KIRREL3: variants seen among roughly 807,000 people sequenced by gnomAD.
KIRREL3 encodes kirre like nephrin family adhesion molecule 3.
KIRREL3 carries 36 observed loss-of-function variants against 89.7 expected under a neutral mutation model. The ratio of observed to expected loss-of-function variants is 0.40; its 90% CI spans 0.31 to 0.53. KIRREL3 has a LOEUF of 0.53. KIRREL3 is among the 20% of genes least tolerant of loss of function. The probability of loss-of-function intolerance (pLI) is 0.49; values close to 1 mark genes in which losing one functional copy is unlikely to be tolerated. For missense variants in KIRREL3, 864 were observed against 1,056.6 expected (o/e 0.82, Z 2.53); for synonymous variants, 445 against 441.4 (o/e 1.01, Z -0.10).
rs1286269090 is a variant in KIRREL3 at position 126,931,895 on chromosome 11, C to T, written c.55+68560G>A. ...TAGGAGTAGATGGACGAGGCATACT[C>T]GTACCAAGGAGGGCATAAGGATTTT... On this transcript the variant is annotated intron_variant, in intron 1 of 16. Coordinates refer to ENST00000525144, the MANE Select transcript of KIRREL3 (RefSeq NM_032531.4). The surrounding 1 kb of genome is among the most constrained non-coding windows in gnomAD (Gnocchi z 5.1). 1.3e-5 allele frequency among the ~76,000 whole-genome samples: 2 copies of T among 152,136 alleles called. No homozygotes were observed. The highest frequency in any genetic ancestry group is 2.9e-5 in the Non-Finnish European group (2 of 68,036).
chr11:126,831,487 A>G (rs981677231), intron 1 of KIRREL3, among the ~76,000 whole-genome samples: 5 of 150,848 alleles, frequency 3.3e-5, no homozygotes, highest in African/African-American at 1.2e-4. Context: ...TAGCCATCCC[A>G]GACATCAGGT....
intron 13 of KIRREL3, 137 bp downstream of exon 13, chr11:126,435,130 TA>T: frequency 1.1e-6 from 1 of 911,778 alleles, no homozygotes; most frequent in Non-Finnish European, 1.7e-6. Context: ...TTGTCTACAC[TA>T]AACCCTCAGG....
intron 1 of KIRREL3, among the ~76,000 whole-genome samples, chr11:126,779,952 T>C (rs977088775): frequency 9.9e-5 from 15 of 151,948 alleles, no homozygotes; most frequent in Non-Finnish European, 1.5e-5. Context: ...GGTAGGTGCA[T>C]CACGAGAGGC....
intron 1 of KIRREL3, among the ~76,000 whole-genome samples, chr11:126,930,974 C>T (rs1451588253): frequency 6.6e-6 from 1 of 152,180 alleles, no homozygotes; most frequent in Non-Finnish European, 1.5e-5. Context: ...TTTCTGCATG[C>T]TTTCACATTC....
rs1024391708 is a variant in KIRREL3, at chr11:126,605,981, A to G, written c.56-43069T>C. 2.6e-5 allele frequency among the ~76,000 whole-genome samples: 4 copies of G among 152,210 alleles called. No homozygotes were observed. Among genetic ancestry groups the G allele is most frequent in the Non-Finnish European group, 5.9e-5 (4 of 68,030 alleles). On this transcript the variant is annotated intron_variant, in intron 1 of 16. Transcript: ENST00000525144. The surrounding 1 kb of genome is among the most constrained non-coding windows in gnomAD (Gnocchi z 5.7). ...CCTTTGGCAGGGAGCAGTGAGCCAT[A>G]GTGTGGTCCAGAGGGACGCAGGCCA...
intron 1 of KIRREL3, among the ~76,000 whole-genome samples, chr11:126,849,646 A>G (rs950453159): frequency 5.9e-5 from 9 of 152,176 alleles, no homozygotes; most frequent in Non-Finnish European, 8.8e-5. Context: ...CAACGCAGAG[A>G]TGTCTAGTCA....
At chr11:126,934,245 C>A (rs929097262) in intron 1 of KIRREL3, among the ~76,000 whole-genome samples, 1 of 152,096 alleles carries the variant, frequency 6.6e-6, no homozygotes, top group African/African-American at 2.4e-5. Flanking sequence ...GGTTCTGAAA[C>A]AACTAGACAT....
chr11:126,964,619 TGCCAACA>T (rs1428805225), intron 1 of KIRREL3, among the ~76,000 whole-genome samples: 2 of 152,202 alleles, frequency 1.3e-5, no homozygotes, highest in African/African-American at 4.8e-5. Context: ...CCTGAGGGCC[TGCCAACA>T]GCTTGTGCTA....
Position 126,445,117 on chromosome 11 carries a change from G to T in KIRREL3, c.1126-12C>A. On this transcript the variant is annotated splice_polypyrimidine_tract_variant and intron_variant, in intron 9 of 16. Transcript: ENST00000525144. ...TCATTGCTCAGGACCTAGGAGAATT[G>T]GCAGGCTCAGATGCCAAGAGCAGGC... 6.2e-7 allele frequency: 1 copy of T among 1,613,610 alleles called. No individual in the cohort carries two copies. The highest frequency in any genetic ancestry group is 8.5e-7 in the Non-Finnish European group (1 of 1,179,686).
In KIRREL3 at chr11:126,814,607, T is replaced by G. The variant is rs946971211; in HGVS notation, c.55+185848A>C. ...GCAGCCATAAAAAGGAATGAGATCA[T>G]GTCCTTTGCAGGGACATGGATGGAG... is the stretch of plus-strand genomic sequence containing the variant. On this transcript the variant is annotated intron_variant, in intron 1 of 16. Transcript: ENST00000525144. This position sits in a 1 kb window ranked among gnomAD's most constrained non-coding sequence, Gnocchi z 4.4. 3.3e-5 allele frequency among the ~76,000 whole-genome samples: 5 copies of G among 152,212 alleles called. No individual in the cohort carries two copies. Among genetic ancestry groups the G allele is most frequent in the African/African-American group, 1.2e-4 (5 of 41,450 alleles).
intron 1 of KIRREL3, among the ~76,000 whole-genome samples, chr11:126,770,114 G>A (rs1428844302): frequency 6.6e-6 from 1 of 152,116 alleles, no homozygotes; most frequent in Non-Finnish European, 1.5e-5. Context: ...ACTTAGAACA[G>A]GTACTGAGCA....
chr11:126,636,485 C>T lies in KIRREL3; in HGVS notation c.56-73573G>A, dbSNP rs1944268628. ...ACCCTGATAGAAAAAAGGCATAAAGCCACTGGATATGTGGCAGCTCTGCCT... is the reference window on the plus strand; with the variant it reads ...ACCCTGATAGAAAAAAGGCATAAAGTCACTGGATATGTGGCAGCTCTGCCT... On this transcript the variant is annotated intron_variant, in intron 1 of 16. Transcript: ENST00000525144. The surrounding 1 kb of genome is among the most constrained non-coding windows in gnomAD (Gnocchi z 4.4). 6.6e-6 allele frequency among the ~76,000 whole-genome samples: 1 copy of T among 152,178 alleles called. No homozygotes were observed. The highest frequency in any genetic ancestry group is 2.4e-5 in the African/African-American group (1 of 41,444).
intron 1 of KIRREL3, among the ~76,000 whole-genome samples, chr11:126,922,946 C>G (rs2134991053): frequency 6.6e-6 from 1 of 152,294 alleles, no homozygotes; most frequent in Admixed American, 6.5e-5. Context: ...ACTCTGAGTC[C>G]CTGTGACCAC....
chr11:126,671,472 T>C (rs1380313954), intron 1 of KIRREL3, among the ~76,000 whole-genome samples: 1 of 152,182 alleles, frequency 6.6e-6, no homozygotes, highest in Non-Finnish European at 1.5e-5. Flanking sequence ...CTGAAGACAT[T>C]CTTAACATGT....
intron 1 of KIRREL3, among the ~76,000 whole-genome samples, chr11:126,667,195 T>A (rs1945702929): frequency 6.6e-6 from 1 of 152,256 alleles, no homozygotes; most frequent in Non-Finnish European, 1.5e-5. Flanking sequence ...TCAGAGAATG[T>A]GCCACTAATG....
intron 1 of KIRREL3, among the ~76,000 whole-genome samples, chr11:126,759,320 G>C (rs1418342956): frequency 6.6e-6 from 1 of 152,140 alleles, no homozygotes; most frequent in Non-Finnish European, 1.5e-5. Context: ...AGTTGAGATA[G>C]GGTTTCACCA....
rs576577689 is a variant in KIRREL3 at position 126,614,172 on chromosome 11, G to A, written c.56-51260C>T. Among the ~76,000 whole-genome samples the A allele has an allele frequency of 1.7e-4, 26 of 152,108 alleles. No individual in the cohort carries two copies. Among genetic ancestry groups the A allele is most frequent in the South Asian group, 4.2e-4 (2 of 4,814 alleles). On this transcript the variant is annotated intron_variant, in intron 1 of 16. Coordinates refer to ENST00000525144, the MANE Select transcript of KIRREL3 (RefSeq NM_032531.4). The surrounding 1 kb of genome is among the most constrained non-coding windows in gnomAD (Gnocchi z 4.6). ...AAAGAGAAGGGGGATTAACATGTGC[G>A]CTTTAAGGGTTGGAAAAGTTCGATC...
intron 4 of KIRREL3, among the ~76,000 whole-genome samples, chr11:126,512,153 C>T (rs1476556080): frequency 6.6e-6 from 1 of 152,376 alleles, no homozygotes; most frequent in South Asian, 2.1e-4. Context: ...CATTACCCCC[C>T]TCTTTCCTGG....
intron 1 of KIRREL3, among the ~76,000 whole-genome samples, chr11:126,838,095 A>T (rs954127557): frequency 6.6e-6 from 1 of 152,238 alleles, no homozygotes; most frequent in Non-Finnish European, 1.5e-5. Flanking sequence ...CATCTGTCTG[A>T]AAGGTAATAA....
Sources: gnomAD v4.1 joint callset for allele counts (sites outside exome capture counted in the v4.1 genomes callset) on GRCh38, gnomAD v4.1.1 for gene constraint, Gnocchi (gnomAD v3.1) non-coding constraint, MANE v1.5 for transcripts, NCBI Gene and HGNC (gene_info 2026-07-23, HGNC 2026-07-21) for gene names.